The following IMMP2L variants were observed in gnomAD, a reference collection of about 807,000 sequenced individuals.
The protein encoded by IMMP2L is mitochondrial inner membrane protease subunit 2.
IMMP2L carries 18 observed loss-of-function variants against 19.3 expected under a neutral mutation model. The observed-to-expected ratio is 0.93, with a 90% confidence interval of 0.64 to 1.38. The LOEUF is 1.38. IMMP2L is among the 40% of genes most tolerant of loss of function. The pLI, the probability that IMMP2L is intolerant of heterozygous loss-of-function variation, is 0.00. For synonymous variants in IMMP2L, 76 were observed against 73.0 expected, an observed-to-expected ratio of 1.04 and a Z score of -0.21; for missense variants, 233 against 218.2, an observed-to-expected ratio of 1.07 and a Z score of -0.43.
chr7:111,331,923 G>A (rs1304678557), intron 3 of IMMP2L, among the ~76,000 whole-genome samples: 1 of 151,758 alleles, frequency 6.6e-6, no homozygotes, highest in African/African-American at 2.4e-5. Flanking sequence ...GTTATTAACT[G>A]GGAAAGTTAA....
chr7:111,429,287 A>T (rs1836397877), intron 3 of IMMP2L, among the ~76,000 whole-genome samples: 2 of 151,892 alleles, frequency 1.3e-5, no homozygotes, highest in Admixed American at 6.6e-5. Context: ...AACACAAAAA[A>T]AGGCCCCTTC....
intron 4 of IMMP2L, among the ~76,000 whole-genome samples, chr7:110,909,445 T>C (rs564479048): frequency 8.5e-5 from 13 of 152,236 alleles, no homozygotes; most frequent in Admixed American, 5.9e-4. Context: ...CAGGGTGTAA[T>C]GAAGTTACAT....
chr7:110,835,452 C>A lies in IMMP2L; in HGVS notation c.408+51141G>T, dbSNP rs1804360053. On this transcript the variant is annotated intron_variant, in intron 5 of 5. Transcript: ENST00000405709. The stretch of plus-strand genomic sequence containing the variant: ...ACTCTTGGAAAGCTGCCAAGAAGGT[C>A]TCTGGCTCATCAACCTGCTTTCCCC... 2.0e-5 allele frequency among the ~76,000 whole-genome samples: 3 copies of A among 152,148 alleles called. No individual in the cohort carries two copies. The South Asian group carries it at 6.2e-4, about 31-fold the overall frequency.
chr7:111,401,925 A>G (rs2131415556), intron 3 of IMMP2L, among the ~76,000 whole-genome samples: 1 of 152,072 alleles, frequency 6.6e-6, no homozygotes, highest in South Asian at 2.1e-4. Context: ...GAGACTGTTT[A>G]TCATGTTATA....
At chr7:111,203,673 A>G (rs1246406897) in intron 3 of IMMP2L, among the ~76,000 whole-genome samples, 1 of 151,536 alleles carries the variant, frequency 6.6e-6, no homozygotes, top group East Asian at 1.9e-4. Flanking sequence ...AACATTAGGT[A>G]AAATAATTCT....
chr7:111,514,570 T>G (rs1455884191), intron 2 of IMMP2L, among the ~76,000 whole-genome samples: 2 of 152,118 alleles, frequency 1.3e-5, no homozygotes, highest in Non-Finnish European at 2.9e-5. Flanking sequence ...TGTTGCCAGT[T>G]TACCTCAGTA....
chr7:111,273,789 T>A (rs558161480), intron 3 of IMMP2L, among the ~76,000 whole-genome samples: 2 of 152,192 alleles, frequency 1.3e-5, no homozygotes, highest in East Asian at 1.9e-4. Context: ...GAATTAATAA[T>A]TATGTTTGGC....
At chr7:111,228,866 A>G (rs1008704080) in intron 3 of IMMP2L, among the ~76,000 whole-genome samples, 4 of 152,072 alleles carry the variant, frequency 2.6e-5, no homozygotes, top group Non-Finnish European at 4.4e-5. Flanking sequence ...TAATGGATAT[A>G]TGTAAAAACA....
At chr7:110,949,286 T>C (rs1212785539) in intron 4 of IMMP2L, among the ~76,000 whole-genome samples, 1 of 152,320 alleles carries the variant, frequency 6.6e-6, no homozygotes, top group South Asian at 2.1e-4. Context: ...CTTCATGGTC[T>C]AGGTGTACCC....
chr7:110,836,415 T>A (rs1246561734), intron 5 of IMMP2L, among the ~76,000 whole-genome samples: 1 of 152,138 alleles, frequency 6.6e-6, no homozygotes, highest in Non-Finnish European at 1.5e-5. Context: ...GGTAGGTCTT[T>A]CCTGTGCTGT....
Position 110,746,008 on chromosome 7 carries a change from T to A in IMMP2L, c.409-82287A>T, listed in dbSNP as rs557359869. On this transcript the variant is annotated intron_variant, in intron 5 of 5. Coordinates refer to ENST00000405709, the MANE Select transcript of IMMP2L (RefSeq NM_032549.4). ...TGGTGTGCTGTATTCAGGAGACCCA[T>A]CTCACATGCAAAGACACACATAGGC... is the stretch of plus-strand genomic sequence containing the variant. Among the ~76,000 whole-genome samples, 4 of 151,800 alleles carry A rather than the reference T, an allele frequency of 2.6e-5. No individual in the cohort carries two copies. The East Asian group carries it at 7.8e-4, about 29-fold the overall frequency.
At chr7:110,959,867 C>CCAACT (rs1327060437) in intron 4 of IMMP2L, among the ~76,000 whole-genome samples, 1 of 151,922 alleles carries the variant, frequency 6.6e-6, no homozygotes, top group East Asian at 1.9e-4. Context: ...ATCATTAACC[C>CCAACT]TTGCTCTGGC....
At chr7:111,243,409 A>C (rs1482457639) in intron 3 of IMMP2L, among the ~76,000 whole-genome samples, 1 of 152,030 alleles carries the variant, frequency 6.6e-6, no homozygotes, top group Non-Finnish European at 1.5e-5. Flanking sequence ...ATGGACTAGT[A>C]ATTTCCACAA....
intron 1 of IMMP2L, among the ~76,000 whole-genome samples, chr7:111,554,332 C>T (rs1791012707): frequency 6.6e-6 from 1 of 152,090 alleles, no homozygotes; most frequent in Non-Finnish European, 1.5e-5. Context: ...AGAACTCCCT[C>T]AAACACAAAA....
chr7:111,284,672 G>T (rs530030855), intron 3 of IMMP2L, among the ~76,000 whole-genome samples: 15 of 152,158 alleles, frequency 9.9e-5, no homozygotes, highest in African/African-American at 3.4e-4. Context: ...AAGAAAGGTT[G>T]CAGGCACTGA....
chr7:111,003,298 G>T (rs1823916028), intron 3 of IMMP2L, among the ~76,000 whole-genome samples: 1 of 151,878 alleles, frequency 6.6e-6, no homozygotes, highest in Admixed American at 6.6e-5. Flanking sequence ...GTCAAATAAT[G>T]TATTTCTTAT....
chr7:110,940,272 T>C (rs1816590179), intron 4 of IMMP2L, among the ~76,000 whole-genome samples: 1 of 151,128 alleles, frequency 6.6e-6, no homozygotes, highest in African/African-American at 2.4e-5. Flanking sequence ...TGAGCCAAGA[T>C]TGCACCACTG....
intron 3 of IMMP2L, among the ~76,000 whole-genome samples, chr7:111,046,729 A>G (rs2129571936): frequency 1.3e-5 from 2 of 152,280 alleles, no homozygotes; most frequent in East Asian, 3.9e-4. Context: ...AATTATGTCC[A>G]TATATACCAA....
At chr7:111,249,483 C>A (rs571257483) in intron 3 of IMMP2L, among the ~76,000 whole-genome samples, 2 of 151,594 alleles carry the variant, frequency 1.3e-5, no homozygotes, top group African/African-American at 4.9e-5. Context: ...CCGTCTTCTG[C>A]GTCGCTCACG....
Sources: allele counts gnomAD v4.1 joint callset (sites outside exome capture counted in the v4.1 genomes callset), GRCh38; gene constraint gnomAD v4.1.1; transcripts MANE v1.5; gene names NCBI Gene and HGNC (gene_info 2026-07-23, HGNC 2026-07-21).